The following CLUH variants were observed in gnomAD, a reference collection of about 807,000 sequenced individuals.
CLUH encodes the protein clustered mitochondria protein homolog.
A neutral mutation model predicts 139.3 loss-of-function variants in CLUH; 77 were observed. That is an observed-to-expected ratio of 0.55 (90% CI 0.46 to 0.67). The LOEUF is 0.67. CLUH is among the 30% of genes least tolerant of loss of function. The pLI, the probability that CLUH is intolerant of heterozygous loss-of-function variation, is 0.00. For synonymous variants in CLUH, 999 were observed against 801.6 expected (o/e 1.25, Z -4.16); for missense variants, 1,876 against 1,875.8 (o/e 1.00, Z 0.00).
In CLUH at chr17:2,707,439, A is replaced by T. The variant is rs2151724747; in HGVS notation, c.101-2875T>A. On this transcript the variant is annotated intron_variant, in intron 1 of 25. Coordinates refer to ENST00000651024, the MANE Select transcript of CLUH (RefSeq NM_001366661.1). The surrounding 1 kb of genome is among the most constrained non-coding windows in gnomAD (Gnocchi z 7.4). Reference sequence around the variant, plus strand: ...ATCCCGCTCAAGGTCGGCCAGAAGGACGGCTGTGGGCCAGGAGAACCCGGT... The same window carrying T: ...ATCCCGCTCAAGGTCGGCCAGAAGGTCGGCTGTGGGCCAGGAGAACCCGGT... 2 of 985,408 alleles carry T rather than the reference A, an allele frequency of 2.0e-6. No individual in the cohort carries two copies. The highest frequency in any genetic ancestry group is 9.4e-5 in the South Asian group (2 of 21,292). The allele number at this position is 985,408 out of a possible 1,614,324, so 61.0% of individuals were successfully genotyped here.
At chr17:2,702,923 CAA>C (rs1294959741) in intron 3 of CLUH, among the ~76,000 whole-genome samples, 1 of 151,956 alleles carries the variant, frequency 6.6e-6, no homozygotes, top group African/African-American at 2.4e-5. Flanking sequence ...CTCCCAGGTT[CAA>C]GTGATTCTCC....
chr17:2,710,308 C>T (rs1164946433), intron 1 of CLUH, among the ~76,000 whole-genome samples: 12 of 152,244 alleles, frequency 7.9e-5, no homozygotes, highest in Non-Finnish European at 2.9e-5. Flanking sequence ...AGCATCTGCT[C>T]TTCTGCCCAA....
rs1245266474 is a variant in CLUH at position 2,701,157 on chromosome 17, A to G, written c.1008T>C (p.Ala336=). ...GGCACTACCTTTTCTTCTGCAGCAC[A>G]GCGAAGTTCTTCTTGAAGGTCGGGC... ...QISPTFKKNF[A]VLQKKRVQRH... Residue 336 remains alanine, a synonymous_variant, in exon 7 of 26, where the codon GCT becomes GCC. Coordinates refer to ENST00000651024, the MANE Select transcript of CLUH (RefSeq NM_001366661.1). 3.7e-6 allele frequency: 6 copies of G among 1,613,848 alleles called. No individual in the cohort carries two copies. Among genetic ancestry groups the G allele is most frequent in the Non-Finnish European group, 5.1e-6 (6 of 1,179,894 alleles).
rs1161769897 is a variant in CLUH, at chr17:2,701,748, C to T, written c.620-11G>A. On this transcript the variant is annotated splice_polypyrimidine_tract_variant and intron_variant, in intron 4 of 25. Coordinates refer to ENST00000651024, the MANE Select transcript of CLUH (RefSeq NM_001366661.1). ...TCCGCTTCCCGCTGTCTGAGGGACC[C>T]GAGGCTGGTGGTCAGCACAGGGCCA... is the stretch of plus-strand genomic sequence containing the variant. The T allele has an allele frequency of 2.6e-6, 4 of 1,557,394 alleles. No individual in the cohort carries two copies. The highest frequency in any genetic ancestry group is 1.4e-5 in the African/African-American group (1 of 73,762).
intron 9 of CLUH, among the ~76,000 whole-genome samples, chr17:2,699,909 C>T (rs1014654520): frequency 6.6e-6 from 1 of 152,242 alleles, no homozygotes; most frequent in East Asian, 1.9e-4. Flanking sequence ...GGATTACAGG[C>T]ATGAGCTACT....
intron 23 of CLUH, 34 bp from the exon 24 acceptor site, chr17:2,691,929 G>A (rs1226081403): frequency 7.2e-6 from 8 of 1,104,182 alleles, no homozygotes; most frequent in Admixed American, 6.6e-5. Context: ...AGGCCCCCCC[G>A]TGCCCCCGCG....
In CLUH at chr17:2,701,653, C is replaced by A; in HGVS notation, c.704G>T (p.Arg235Leu). Residue 235 changes from arginine to leucine, a missense_variant, in exon 5 of 26, where the codon CGG becomes CTG. By Grantham distance (102) the Arg-to-Leu change is moderately radical (BLOSUM62 -2). Coordinates refer to ENST00000651024, the MANE Select transcript of CLUH (RefSeq NM_001366661.1). ...TTGGGGCTGCAGGGGACACAGTGGC[C>A]GCTCCCGGCTCCCTGGCAGGATGTA... ...PEYILPGSRE[R>L]PLCPLQPQNR... 6.2e-7 allele frequency: 1 copy of A among 1,603,130 alleles called. No individual in the cohort carries two copies. The highest frequency in any genetic ancestry group is 8.5e-7 in the Non-Finnish European group (1 of 1,174,734).
At chr17:2,695,562 C>T in intron 13 of CLUH, 36 bp from the exon 14 acceptor site, 1 of 1,546,690 alleles carries the variant, frequency 6.5e-7, no homozygotes, top group Non-Finnish European at 8.7e-7. Flanking sequence ...CCACCCAGCT[C>T]CTCTGCCTCC....
intron 1 of CLUH, among the ~76,000 whole-genome samples, chr17:2,708,594 C>T (rs949402627): frequency 1.3e-5 from 2 of 151,910 alleles, no homozygotes; most frequent in African/African-American, 2.4e-5. Context: ...CCAGGTGTTA[C>T]TATCACATTT....
At chr17:2,691,515 G>A (rs2069631927) in intron 25 of CLUH, 94 bp downstream of exon 25, 2 of 1,269,438 alleles carry the variant, frequency 1.6e-6, no homozygotes, top group South Asian at 1.3e-5. Context: ...GAGCCGGGAT[G>A]GCGCCGCCGC....
intron 25 of CLUH, among the ~76,000 whole-genome samples, chr17:2,691,034 T>TG (rs770538209): frequency 2.6e-3 from 394 of 151,034 alleles, no homozygotes; most frequent in Non-Finnish European, 4.7e-3. Context: ...AAAGCGGAGT[T>TG]GGGGGGCTGC....
intron 9 of CLUH, 85 bp downstream of exon 9, chr17:2,700,297 C>T: frequency 7.6e-7 from 1 of 1,320,126 alleles, no homozygotes; most frequent in Non-Finnish European, 1.1e-6. Flanking sequence ...CCCCTGCCTC[C>T]CTTGCTTTCC....
At position 2,701,463 on chromosome 17, in the gene CLUH, G is replaced by A. The variant is rs1173346907; in HGVS notation, c.802C>T (p.Arg268Trp). Residue 268 changes from arginine (R) to tryptophan (W), a missense_variant, in exon 6 of 26, where the codon CGG becomes TGG. Transcript: ENST00000651024. ...MSGWNPPPGN[R>W]KMHGDLMYLF... ...TACATGAGGTCCCCGTGCATCTTCC[G>A]GTTCCCCGGGGGCGGGTTCCATCCG... is the stretch of plus-strand genomic sequence containing the variant. The A allele has an allele frequency of 1.2e-6, 2 of 1,613,768 alleles. No homozygotes were observed. The highest frequency in any genetic ancestry group is 1.7e-6 in the Non-Finnish European group (2 of 1,179,844).
At position 2,692,477 on chromosome 17, in the gene CLUH, G is replaced by A. The variant is rs375586067; in HGVS notation, c.3444C>T (p.Asn1148=). The change falls in exon 22 of 26, where the codon AAC becomes AAT. Residue 1148 remains asparagine, a synonymous_variant. Transcript: ENST00000651024. ...TCACCCCGTGCAGCACCAGCCCGAT[G>A]TTGTTCTGGGGGCAGGCGGTGGGGG... is the stretch of plus-strand genomic sequence containing the variant. ...DHPEMALLDN[N]IGLVLHGVME... 2 of 1,598,882 alleles carry A rather than the reference G, an allele frequency of 1.3e-6. No homozygotes were observed. Among genetic ancestry groups the A allele is most frequent in the Non-Finnish European group, 8.5e-7 (1 of 1,176,834 alleles).
At position 2,690,393 on chromosome 17, in the gene CLUH, C is replaced by T. The variant is rs2069573913; in HGVS notation, c.*201G>A. 1 of 445,892 alleles carries T rather than the reference C, an allele frequency of 2.2e-6. No homozygotes were observed. The highest frequency in any genetic ancestry group is 3.9e-6 in the Non-Finnish European group (1 of 255,786). The allele number at this position is 445,892 out of a possible 1,614,324, so 27.6% of individuals were successfully genotyped here. A position where few individuals can be genotyped will look rare whatever the true frequency, so the allele number is the denominator to read the frequency against. ...CGTGTCTCCAATGGGGCCTCTGCAT[C>T]ATCTATTCATTGAACCAGCGCAAAA... On this transcript the variant is annotated 3_prime_UTR_variant, in exon 26 of 26. Coordinates refer to ENST00000651024, the MANE Select transcript of CLUH (RefSeq NM_001366661.1).
rs542283796 is a variant in CLUH, at chr17:2,697,878, G to C, written c.1961+18C>G. 5.5e-6 allele frequency: 8 copies of C among 1,460,300 alleles called. No homozygotes were observed. The South Asian group carries it at 7.0e-5, about 13-fold the overall frequency. 90.5% of individuals were successfully genotyped at this position (1,460,300 alleles called of 1,614,324 possible). A position where few individuals can be genotyped will look rare whatever the true frequency, so the allele number is the denominator to read the frequency against. On this transcript the variant is annotated intron_variant, in intron 10 of 25. Coordinates refer to ENST00000651024, the MANE Select transcript of CLUH (RefSeq NM_001366661.1). ...CTGCAGCTGGCCCCGGCCCTGGTCC[G>C]GCAGGGCCGCCCCTCACCTGTGCTC...
chr17:2,711,043 CA>C (rs1323971159), intron 1 of CLUH: 10 of 152,466 alleles, frequency 6.6e-5, no homozygotes, highest in Admixed American at 6.5e-4. Flanking sequence ...TCACAACGCA[CA>C]CCCCGCACCT....
At position 2,690,789 on chromosome 17, in the gene CLUH, G is replaced by A. The variant is rs748062438; in HGVS notation, c.3864-12C>T. The A allele has an allele frequency of 1.0e-5, 15 of 1,481,302 alleles. No individual in the cohort carries two copies. The highest frequency in any genetic ancestry group is 1.3e-5 in the Non-Finnish European group (15 of 1,124,168). The allele number at this position is 1,481,302 out of a possible 1,614,324, so 91.8% of individuals were successfully genotyped here. On this transcript the variant is annotated splice_polypyrimidine_tract_variant and intron_variant, in intron 25 of 25. Transcript: ENST00000651024. ...CCAGGTCTTTTTGGCTGAGGATAAG[G>A]GTGGGGATGGAGGTGGCTCTCAGAG... is the stretch of plus-strand genomic sequence containing the variant.
In CLUH at chr17:2,707,254, C is replaced by T; in HGVS notation, c.101-2690G>A. The T allele has an allele frequency of 2.0e-6, 2 of 985,440 alleles. No homozygotes were observed. The highest frequency in any genetic ancestry group is 2.4e-6 in the Non-Finnish European group (2 of 829,918). The allele number at this position is 985,440 out of a possible 1,614,324, so 61.0% of individuals were successfully genotyped here. Reference sequence around the variant, plus strand: ...CAGCAAGGCAGCCAGCTCTCCAGCTCAGCCCCAGCATTGCCCGGGTTCCTT... The same window carrying T: ...CAGCAAGGCAGCCAGCTCTCCAGCTTAGCCCCAGCATTGCCCGGGTTCCTT... On this transcript the variant is annotated intron_variant, in intron 1 of 25. Coordinates refer to ENST00000651024, the MANE Select transcript of CLUH (RefSeq NM_001366661.1). This position sits in a 1 kb window ranked among gnomAD's most constrained non-coding sequence, Gnocchi z 7.4.
Sources: allele counts gnomAD v4.1 joint callset (sites outside exome capture counted in the v4.1 genomes callset), GRCh38; gene constraint gnomAD v4.1.1; non-coding constraint Gnocchi (gnomAD v3.1); transcripts MANE v1.5; gene names NCBI Gene and HGNC (gene_info 2026-07-23, HGNC 2026-07-21).